The following DGKI variants were observed in gnomAD, a reference collection of about 807,000 sequenced individuals.
The protein encoded by DGKI is diacylglycerol kinase iota, also known as DAG kinase iota.
In DGKI, 55 loss-of-function variants were observed where a neutral mutation model predicts 147.5. That is an observed-to-expected ratio of 0.37 (90% CI 0.30 to 0.47). The LOEUF is 0.47. DGKI is among the 20% of genes least tolerant of loss of function. The pLI is 1.00. For synonymous variants in DGKI, 469 were observed against 477.1 expected (o/e 0.98, Z 0.22); for missense variants, 1,007 against 1,323.8 (o/e 0.76, Z 3.71).
chr7:137,628,566 A>C (rs1259762845), intron 6 of DGKI, among the ~76,000 whole-genome samples: 1 of 152,176 alleles, frequency 6.6e-6, no homozygotes, highest in Non-Finnish European at 1.5e-5. Flanking sequence ...AAATCTGCTA[A>C]TATGGTACTG....
intron 28 of DGKI, among the ~76,000 whole-genome samples, chr7:137,418,609 G>A (rs1378495172): frequency 1.3e-5 from 2 of 151,762 alleles, no homozygotes; most frequent in Non-Finnish European, 2.9e-5. Context: ...GAACACTTAT[G>A]TCTATTTTTT....
intron 21 of DGKI, among the ~76,000 whole-genome samples, chr7:137,496,893 G>A (rs1171204293): frequency 2.0e-5 from 3 of 152,032 alleles, no homozygotes; most frequent in Non-Finnish European, 4.4e-5. Context: ...ACTTGGCAAA[G>A]TTTTCATGAC....
intron 1 of DGKI, among the ~76,000 whole-genome samples, chr7:137,746,050 A>C (rs1795316650): frequency 6.6e-6 from 1 of 151,994 alleles, no homozygotes; most frequent in Non-Finnish European, 1.5e-5. Context: ...GGGGCTTTCC[A>C]AGGGGGGATA....
chr7:137,814,746 T>C (rs1797689685), intron 1 of DGKI, among the ~76,000 whole-genome samples: 1 of 152,196 alleles, frequency 6.6e-6, no homozygotes, highest in South Asian at 2.1e-4. Context: ...TTAAATGTTA[T>C]AAGCACCCCC....
chr7:137,765,726 C>T (rs1024991573), intron 1 of DGKI, among the ~76,000 whole-genome samples: 7 of 152,172 alleles, frequency 4.6e-5, no homozygotes, highest in Admixed American at 1.3e-4. Context: ...GTTTACTAAA[C>T]AATTCAGCTA....
chr7:137,763,963 C>T (rs1795933148), intron 1 of DGKI, among the ~76,000 whole-genome samples: 1 of 152,196 alleles, frequency 6.6e-6, no homozygotes, highest in African/African-American at 2.4e-5. Flanking sequence ...AGGGACAGGT[C>T]GTCTACCTGC....
At chr7:137,748,436 A>G (rs990368611) in intron 1 of DGKI, among the ~76,000 whole-genome samples, 1 of 152,176 alleles carries the variant, frequency 6.6e-6, no homozygotes, top group Non-Finnish European at 1.5e-5. Flanking sequence ...ATTATTACAT[A>G]GTATTCATAC....
At chr7:137,425,293 T>A (rs978736087) in intron 28 of DGKI, among the ~76,000 whole-genome samples, 1 of 152,224 alleles carries the variant, frequency 6.6e-6, no homozygotes, top group Non-Finnish European at 1.5e-5. Context: ...AAACAGGGTC[T>A]GGAGTGGACC....
intron 28 of DGKI, among the ~76,000 whole-genome samples, chr7:137,427,700 A>G (rs1812876990): frequency 6.6e-6 from 1 of 151,832 alleles, no homozygotes. Flanking sequence ...TAGATGCAAT[A>G]AAAAATGATA....
At position 137,629,084 on chromosome 7, in the gene DGKI, C is replaced by T. The variant is rs185028703; in HGVS notation, c.805-5530G>A. 2.3e-3 allele frequency among the ~76,000 whole-genome samples: 346 copies of T among 152,260 alleles called. 1 individual carries two copies. Among genetic ancestry groups the T allele is most frequent in the African/African-American group, 8.1e-3 (335 of 41,552 alleles). On this transcript the variant is annotated intron_variant, in intron 6 of 32. Coordinates refer to ENST00000614521, the MANE Select transcript of DGKI (RefSeq NM_001321708.2). The stretch of plus-strand genomic sequence containing the variant: ...AAATAAACCTCTCCATATCCACTAG[C>T]GTGTCCAAGGCTCACAAAGTATTAC...
intron 28 of DGKI, among the ~76,000 whole-genome samples, chr7:137,423,370 A>C (rs1388207686): frequency 2.0e-5 from 3 of 152,316 alleles, no homozygotes; most frequent in South Asian, 2.1e-4. Context: ...GATGTGTTTT[A>C]GCAGTGTCCT....
At chr7:137,571,350 G>T in intron 18 of DGKI, 64 bp from the exon 19 acceptor site, 1 of 1,203,968 alleles carries the variant, frequency 8.3e-7, no homozygotes, top group Non-Finnish European at 1.2e-6. Context: ...ATCATGAGGT[G>T]TTAGTTTGTA....
chr7:137,648,354 C>G (rs117032913), intron 5 of DGKI, among the ~76,000 whole-genome samples: 1 of 152,308 alleles, frequency 6.6e-6, no homozygotes, highest in East Asian at 1.9e-4. Context: ...AGTAACAGCT[C>G]TACTCAAAAG....
At chr7:137,786,857 A>C (rs1796687896) in intron 1 of DGKI, among the ~76,000 whole-genome samples, 1 of 152,156 alleles carries the variant, frequency 6.6e-6, no homozygotes, top group Admixed American at 6.5e-5. Flanking sequence ...CAAAACAAAC[A>C]ACAACATAAA....
chr7:137,679,405 T>G (rs1823151764), intron 2 of DGKI, among the ~76,000 whole-genome samples: 1 of 123,462 alleles, frequency 8.1e-6, no homozygotes, highest in African/African-American at 4.1e-5. Flanking sequence ...AAGCAAACTG[T>G]TTTTTTTTTT....
At position 137,609,024 on chromosome 7, in the gene DGKI, G is replaced by C; in HGVS notation, c.1109C>G (p.Ser370Cys). The C allele has an allele frequency of 1.2e-6, 2 of 1,613,808 alleles. No homozygotes were observed. Among genetic ancestry groups the C allele is most frequent in the Non-Finnish European group, 1.7e-6 (2 of 1,179,758 alleles). Residue 370 changes from serine to cysteine, a missense_variant, in exon 10 of 33, where the codon TCT (serine) becomes TGT (cysteine). Ser to Cys is a moderately radical substitution (Grantham distance 112, BLOSUM62 -1). This residue lies in a region of DGKI where 259 missense variants were observed against 362.5 expected (regional missense o/e 0.71). Coordinates refer to ENST00000614521, the MANE Select transcript of DGKI (RefSeq NM_001321708.2). ...KGRPFVIKPI[S>C]SPLMKPLLVF... ...AAGCAAGGGTTTCATGAGAGGAGAA[G>C]AGATGGGTTTTATCACAAAAGGACG...
chr7:137,430,549 TATA>T (rs1342052421), intron 28 of DGKI, among the ~76,000 whole-genome samples: 10 of 151,562 alleles, frequency 6.6e-5, no homozygotes, highest in Non-Finnish European at 1.0e-4. Flanking sequence ...AAACTTAAAG[TATA>T]ATAATAATAA....
intron 25 of DGKI, 85 bp from the exon 26 acceptor site, chr7:137,466,120 G>A: frequency 8.7e-6 from 13 of 1,494,520 alleles, no homozygotes; most frequent in Non-Finnish European, 1.2e-5. Flanking sequence ...TCTGCAACGT[G>A]TCAAAGGATC....
In DGKI at chr7:137,680,605, C is replaced by G. The variant is rs774994873; in HGVS notation, c.511-1953G>C. 6.1e-4 allele frequency among the ~76,000 whole-genome samples: 93 copies of G among 152,032 alleles called. 1 individual carries two copies. Among genetic ancestry groups the G allele is most frequent in the Non-Finnish European group, 8.2e-4 (56 of 67,990 alleles). On this transcript the variant is annotated intron_variant, in intron 2 of 32. Coordinates refer to ENST00000614521, the MANE Select transcript of DGKI (RefSeq NM_001321708.2). ...GACCAGCCTGGACAACATGGTGAAA[C>G]CCCATCTCTACTAAACATACAAAAA...
Sources: gnomAD v4.1 joint callset for allele counts (sites outside exome capture counted in the v4.1 genomes callset) on GRCh38, gnomAD v4.1.1 for gene constraint, gnomAD v4.1.1 regional missense constraint, MANE v1.5 for transcripts, NCBI Gene and HGNC (gene_info 2026-07-23, HGNC 2026-07-21) for gene names.